Variants in NPAS3 observed in about 807,000 individuals in gnomAD.
NPAS3 encodes neuronal PAS domain-containing protein 3.
NPAS3 carries 14 observed loss-of-function variants against 73.1 expected under a neutral mutation model. That is an observed-to-expected ratio of 0.19 (90% confidence interval 0.13 to 0.30). The LOEUF is 0.30. NPAS3 is among the 10% of genes least tolerant of loss of function. The pLI, the probability that NPAS3 is intolerant of heterozygous loss-of-function variation, is 1.00. For missense variants in NPAS3, 1,096 were observed against 1,250.0 expected, an observed-to-expected ratio of 0.88 and a Z score of 1.86; for synonymous variants, 620 against 541.5, an observed-to-expected ratio of 1.14 and a Z score of -2.01.
intron 4 of NPAS3, among the ~76,000 whole-genome samples, chr14:33,483,829 A>G (rs572688478): frequency 2.0e-5 from 3 of 151,882 alleles, no homozygotes; most frequent in Non-Finnish European, 4.4e-5. Context: ...CCTACGGCTG[A>G]CCTTTTTTCT....
chr14:33,125,038 T>G (rs1348643987), intron 2 of NPAS3, among the ~76,000 whole-genome samples: 1 of 152,010 alleles, frequency 6.6e-6, no homozygotes, highest in Non-Finnish European at 1.5e-5. Context: ...AGAAAGTACT[T>G]AAAGGATGGA....
At chr14:33,696,820 G>T (rs1001433097) in intron 6 of NPAS3, among the ~76,000 whole-genome samples, 1 of 152,180 alleles carries the variant, frequency 6.6e-6, no homozygotes, top group African/African-American at 2.4e-5. Context: ...ACTTCATGAT[G>T]ATTTGTTCAG....
intron 3 of NPAS3, among the ~76,000 whole-genome samples, chr14:33,345,558 T>A (rs990851097): frequency 6.6e-6 from 1 of 152,254 alleles, no homozygotes; most frequent in Admixed American, 6.5e-5. Flanking sequence ...ATGTATCTTT[T>A]ACTTTAGAGT....
At chr14:33,700,298 G>T (rs1206675886) in intron 6 of NPAS3, among the ~76,000 whole-genome samples, 1 of 152,114 alleles carries the variant, frequency 6.6e-6, no homozygotes. Flanking sequence ...ACGATGACAG[G>T]GCAAACTGCA....
intron 4 of NPAS3, among the ~76,000 whole-genome samples, chr14:33,533,282 T>C (rs1285406810): frequency 6.6e-6 from 1 of 152,042 alleles, no homozygotes; most frequent in Non-Finnish European, 1.5e-5. Flanking sequence ...AACCAAACTA[T>C]ATAAAGAGAT....
At chr14:33,600,185 A>G (rs140928387) in intron 5 of NPAS3, among the ~76,000 whole-genome samples, 1 of 152,330 alleles carries the variant, frequency 6.6e-6, no homozygotes, top group East Asian at 1.9e-4. Flanking sequence ...GAGTCATATT[A>G]TCCACAGAAT....
intron 7 of NPAS3, among the ~76,000 whole-genome samples, chr14:33,747,335 A>G (rs897206744): frequency 3.9e-5 from 6 of 152,216 alleles, no homozygotes; most frequent in South Asian, 4.1e-4. Flanking sequence ...AACTATCGCA[A>G]GAACAAAAAA....
At chr14:33,655,419 T>A (rs1384373068) in intron 5 of NPAS3, among the ~76,000 whole-genome samples, 4 of 148,358 alleles carry the variant, frequency 2.7e-5, no homozygotes, top group Non-Finnish European at 5.9e-5. Flanking sequence ...CTTTGTGAAA[T>A]CTTTTAACAC....
intron 5 of NPAS3, among the ~76,000 whole-genome samples, chr14:33,568,359 T>C (rs1231594791): frequency 2.0e-5 from 3 of 152,236 alleles, no homozygotes; most frequent in Admixed American, 6.5e-5. Flanking sequence ...GAAAGCAATA[T>C]GCATTTCTTT....
intron 4 of NPAS3, among the ~76,000 whole-genome samples, chr14:33,402,350 A>T (rs1254300238): frequency 6.6e-6 from 1 of 152,108 alleles, no homozygotes; most frequent in Non-Finnish European, 1.5e-5. Context: ...GACTTGAAAT[A>T]ATGTGACCAC....
intron 3 of NPAS3, among the ~76,000 whole-genome samples, chr14:33,231,460 T>C (rs1001112276): frequency 2.0e-5 from 3 of 152,218 alleles, no homozygotes; most frequent in African/African-American, 7.2e-5. Context: ...ATTCATGTTA[T>C]ATTCCTGTGA....
At chr14:33,785,157 C>T (rs1050006956) in intron 9 of NPAS3, among the ~76,000 whole-genome samples, 2 of 150,876 alleles carry the variant, frequency 1.3e-5, no homozygotes, top group African/African-American at 2.4e-5. Flanking sequence ...TACTTCTGGC[C>T]GGGCATGGTG....
At chr14:33,651,619 G>A (rs1362820102) in intron 5 of NPAS3, among the ~76,000 whole-genome samples, 1 of 151,864 alleles carries the variant, frequency 6.6e-6, no homozygotes, top group Admixed American at 6.6e-5. Flanking sequence ...TAATTCCTTG[G>A]TGAAAGTCAG....
intron 6 of NPAS3, among the ~76,000 whole-genome samples, chr14:33,694,186 G>A (rs2060311384): frequency 1.3e-5 from 2 of 151,966 alleles, no homozygotes; most frequent in Admixed American, 1.3e-4. Flanking sequence ...CAACCCCCTC[G>A]CCCCTTGTGG....
At chr14:33,089,224 C>A (rs781066532) in intron 2 of NPAS3, among the ~76,000 whole-genome samples, 1 of 152,114 alleles carries the variant, frequency 6.6e-6, no homozygotes, top group Non-Finnish European at 1.5e-5. Context: ...AAATTAGAAC[C>A]CATCGCAAAG....
intron 4 of NPAS3, among the ~76,000 whole-genome samples, chr14:33,537,056 C>G (rs889956358): frequency 6.6e-6 from 1 of 151,352 alleles, no homozygotes; most frequent in African/African-American, 2.4e-5. Context: ...TACGAAAAAA[C>G]AACAAAATCC....
chr14:33,041,972 A>G (rs1165311031), intron 1 of NPAS3, among the ~76,000 whole-genome samples: 1 of 152,130 alleles, frequency 6.6e-6, no homozygotes, highest in African/African-American at 2.4e-5. Flanking sequence ...GTTTCCTGAG[A>G]AAGGAACTCA....
intron 1 of NPAS3, among the ~76,000 whole-genome samples, chr14:33,052,917 A>G (rs774806290): frequency 2.4e-4 from 37 of 152,090 alleles, no homozygotes; most frequent in Non-Finnish European, 4.9e-4. Flanking sequence ...TTAAGGTTTC[A>G]GTTGAACGTG....
At chr14:33,238,999 G>A (rs2048129499) in intron 3 of NPAS3, among the ~76,000 whole-genome samples, 1 of 151,878 alleles carries the variant, frequency 6.6e-6, no homozygotes, top group African/African-American at 2.4e-5. Flanking sequence ...TTGAGGTTAT[G>A]TCAGTCATAA....
Sources: allele counts gnomAD v4.1 joint callset (sites outside exome capture counted in the v4.1 genomes callset), GRCh38; gene constraint gnomAD v4.1.1; transcripts MANE v1.5; gene names NCBI Gene and HGNC (gene_info 2026-07-23, HGNC 2026-07-21).